Variants in DENND5B observed in about 807,000 individuals in gnomAD.
DENND5B encodes the protein DENN domain containing 5B.
DENND5B carries 34 observed loss-of-function variants against 140.6 expected under a neutral mutation model. That is an observed-to-expected ratio of 0.24 (90% CI 0.18 to 0.32). The LOEUF is 0.32. DENND5B is among the 10% of genes least tolerant of loss of function. The pLI is 1.00. For synonymous variants in DENND5B, 551 were observed against 562.1 expected, an observed-to-expected ratio of 0.98 and a Z score of 0.28; for missense variants, 1,142 against 1,560.2, an observed-to-expected ratio of 0.73 and a Z score of 4.52.
chr12:31,485,504 T>C (rs1338617471), intron 2 of DENND5B, among the ~76,000 whole-genome samples: 1 of 152,250 alleles, frequency 6.6e-6, no homozygotes, highest in Non-Finnish European at 1.5e-5. Context: ...TTGAGCCTAG[T>C]TATGATTTAA....
At chr12:31,421,742 G>T (rs1249920888) in intron 11 of DENND5B, among the ~76,000 whole-genome samples, 1 of 152,064 alleles carries the variant, frequency 6.6e-6, no homozygotes, top group African/African-American at 2.4e-5. Flanking sequence ...AGTAGAAACA[G>T]GGTTTCACCA....
Position 31,442,942 on chromosome 12 carries a change from T to C in DENND5B, c.1862-17A>G, listed in dbSNP as rs990136493. ...TTGATTGGGCTATAAATTAAATTTA[T>C]AATAAATTAGAGACATTTCATTGCT... is the stretch of plus-strand genomic sequence containing the variant. On this transcript the variant is annotated splice_polypyrimidine_tract_variant and intron_variant, in intron 6 of 20. Coordinates refer to ENST00000389082, the MANE Select transcript of DENND5B (RefSeq NM_144973.4). The C allele has an allele frequency of 6.5e-7, 1 of 1,545,962 alleles. No homozygotes were observed. Among genetic ancestry groups the C allele is most frequent in the Non-Finnish European group, 8.7e-7 (1 of 1,144,670 alleles).
Position 31,389,323 on chromosome 12 carries a change from C to T in DENND5B, c.3641+1G>A. ...GGGAAAATAAAAAACTGGTTTTGTA[C>T]CTTGTTCCAAGGCAAACTAAAATCT... is the stretch of plus-strand genomic sequence containing the variant. On this transcript the variant is annotated splice_donor_variant, in intron 20 of 20. Transcript: ENST00000389082. LOFTEE classifies it high-confidence loss of function. 6.2e-7 allele frequency: 1 copy of T among 1,610,746 alleles called. No individual in the cohort carries two copies. The highest frequency in any genetic ancestry group is 8.5e-7 in the Non-Finnish European group (1 of 1,178,474).
At chr12:31,506,673 A>T in intron 1 of DENND5B, among the ~76,000 whole-genome samples, 2 of 152,306 alleles carry the variant, frequency 1.3e-5, no homozygotes, top group Middle Eastern at 6.8e-3. Flanking sequence ...CCTCAGGTAC[A>T]CTAAATTCAC....
chr12:31,507,821 T>C (rs1214362147), intron 1 of DENND5B, among the ~76,000 whole-genome samples: 1 of 152,228 alleles, frequency 6.6e-6, no homozygotes, highest in Non-Finnish European at 1.5e-5. Context: ...TGGTTCTGGC[T>C]GAATATGCTG....
intron 1 of DENND5B, among the ~76,000 whole-genome samples, chr12:31,524,041 C>CTTT (rs148193944): frequency 5.9e-4 from 72 of 121,530 alleles, no homozygotes; most frequent in Admixed American, 1.1e-3. Flanking sequence ...CTACTGAGCC[C>CTTT]TTTTTTTTTT....
At chr12:31,567,142 C>T (rs1463873173) in intron 1 of DENND5B, among the ~76,000 whole-genome samples, 1 of 151,998 alleles carries the variant, frequency 6.6e-6, no homozygotes, top group Non-Finnish European at 1.5e-5. Flanking sequence ...TTGACAAACC[C>T]AACATACAAT....
At chr12:31,450,855 C>G (rs1483589338) in intron 5 of DENND5B, among the ~76,000 whole-genome samples, 1 of 151,920 alleles carries the variant, frequency 6.6e-6, no homozygotes, top group African/African-American at 2.4e-5. Flanking sequence ...CCCTGGTGAC[C>G]TAAAAGAGTT....
chr12:31,587,040 C>T (rs916147688), intron 1 of DENND5B, among the ~76,000 whole-genome samples: 6 of 152,172 alleles, frequency 3.9e-5, no homozygotes, highest in African/African-American at 1.2e-4. Flanking sequence ...ATCCACACTC[C>T]TTAATCTCCT....
intron 1 of DENND5B, among the ~76,000 whole-genome samples, chr12:31,502,721 A>C (rs1947057756): frequency 6.6e-6 from 1 of 152,172 alleles, no homozygotes; most frequent in South Asian, 2.1e-4. Flanking sequence ...TTAAGCTTCT[A>C]CGCTGGGGGG....
intron 1 of DENND5B, among the ~76,000 whole-genome samples, chr12:31,514,370 T>A (rs894454780): frequency 2.5e-4 from 38 of 152,196 alleles, no homozygotes; most frequent in African/African-American, 8.7e-4. Flanking sequence ...TCAGAATGTA[T>A]CCTCATCGTT....
intron 11 of DENND5B, among the ~76,000 whole-genome samples, chr12:31,421,568 G>A (rs1943025903): frequency 6.6e-6 from 1 of 151,974 alleles, no homozygotes; most frequent in Non-Finnish European, 1.5e-5. Context: ...CATCTTTTCT[G>A]AGAAGGAGTC....
rs1565728314 is a variant in DENND5B, at chr12:31,591,042, A to AT, written c.-211_-210insA. 1.9e-4 allele frequency: 60 copies of AT among 321,844 alleles called. 1 individual carries two copies. The East Asian group carries it at 8.6e-3, about 46-fold the overall frequency. 19.9% of individuals were successfully genotyped at this position (321,844 alleles called of 1,614,324 possible). Reference sequence around the variant, plus strand: ...GCGGGCTCGCGCGCGGCGGGTCCGGAGCCCGGCCGGGTGGGGGAGGGGCGC... The same window carrying AT: ...GCGGGCTCGCGCGCGGCGGGTCCGGATGCCCGGCCGGGTGGGGGAGGGGCGC... On this transcript the variant is annotated 5_prime_UTR_variant, in exon 1 of 21. Transcript: ENST00000389082.
chr12:31,414,878 C>A (rs376066919), intron 12 of DENND5B, among the ~76,000 whole-genome samples: 15 of 149,202 alleles, frequency 1.0e-4, no homozygotes, highest in African/African-American at 3.2e-4. Flanking sequence ...GCTGAGATCA[C>A]GACACTGCAC....
chr12:31,562,825 T>C (rs1949520384), intron 1 of DENND5B, among the ~76,000 whole-genome samples: 1 of 152,170 alleles, frequency 6.6e-6, no homozygotes, highest in African/African-American at 2.4e-5. Flanking sequence ...GACTTCTAAT[T>C]CTGTCCAACT....
chr12:31,385,444 T>C lies in DENND5B; in HGVS notation c.*2159A>G, dbSNP rs1940810872. 6.6e-6 allele frequency: 1 copy of C among 152,224 alleles called. No homozygotes were observed. The highest frequency in any genetic ancestry group is 1.5e-5 in the Non-Finnish European group (1 of 68,064). The allele number at this position is 152,224 out of a possible 1,614,324, so 9.4% of individuals were successfully genotyped here. On this transcript the variant is annotated 3_prime_UTR_variant, in exon 21 of 21. Coordinates refer to ENST00000389082, the MANE Select transcript of DENND5B (RefSeq NM_144973.4). ...AACCTAAGTCATCCCCCAGGTTGCC[T>C]AGACCTGTCAGGAGCATGGCCTTAT... is the stretch of plus-strand genomic sequence containing the variant.
intron 1 of DENND5B, among the ~76,000 whole-genome samples, chr12:31,539,547 T>A (rs1038508587): frequency 6.6e-6 from 1 of 152,140 alleles, no homozygotes; most frequent in Non-Finnish European, 1.5e-5. Context: ...ATAGGATTTA[T>A]CCCAGGGATG....
At chr12:31,582,605 A>AAT (rs1217040906) in intron 1 of DENND5B, among the ~76,000 whole-genome samples, 4 of 152,234 alleles carry the variant, frequency 2.6e-5, no homozygotes, top group Non-Finnish European at 5.9e-5. Context: ...AATATCATTA[A>AAT]ATATATAATC....
intron 1 of DENND5B, among the ~76,000 whole-genome samples, chr12:31,538,219 T>C (rs1399175907): frequency 2.0e-5 from 3 of 152,190 alleles, no homozygotes; most frequent in Non-Finnish European, 4.4e-5. Context: ...CACATTCTTT[T>C]TCCTCAGCAC....
Sources: allele counts gnomAD v4.1 joint callset (sites outside exome capture counted in the v4.1 genomes callset), GRCh38; gene constraint gnomAD v4.1.1; transcripts MANE v1.5; gene names NCBI Gene and HGNC (gene_info 2026-07-23, HGNC 2026-07-21).